The following ZNF83 variants were observed in gnomAD, a reference collection of about 807,000 sequenced individuals.
ZNF83 encodes zinc finger protein 83, also known as zinc finger protein 816B.
For missense variants in ZNF83, 552 were observed against 629.9 expected, an observed-to-expected ratio of 0.88 and a Z score of 1.32; for synonymous variants, 209 against 213.0, an observed-to-expected ratio of 0.98 and a Z score of 0.17.
intron 2 of ZNF83, among the ~76,000 whole-genome samples, chr19:52,634,804 A>G (rs1460501285): frequency 2.0e-5 from 3 of 151,874 alleles, no homozygotes; most frequent in South Asian, 2.1e-4. Flanking sequence ...ACACCACGGG[A>G]CCCTCACCCC....
intron 1 of ZNF83, among the ~76,000 whole-genome samples, chr19:52,671,828 T>A (rs1475900063): frequency 1.3e-5 from 2 of 152,204 alleles, no homozygotes; most frequent in Non-Finnish European, 2.9e-5. Context: ...AAATATGCAG[T>A]CTTTAAATGT....
At chr19:52,627,495 C>G (rs1256134150) in intron 2 of ZNF83, among the ~76,000 whole-genome samples, 1 of 152,124 alleles carries the variant, frequency 6.6e-6, no homozygotes, top group Non-Finnish European at 1.5e-5. Flanking sequence ...AACCCTCTCT[C>G]TACTAAAAAT....
exon 3 of ZNF83, chr19:52,614,229 T>G (rs1263370013): frequency 1.9e-6 from 3 of 1,614,040 alleles, no homozygotes; most frequent in Admixed American, 3.3e-5. Flanking sequence ...TATGGATTAT[T>G]TGATGTATAG....
rs1190276348 is a variant in ZNF83 at position 52,614,589 on chromosome 19, C to G, written c.-25G>C. ...TGTCTCTTCTACCAATGAGACTTTC[C>G]TTATAGGTCACACGCACTCGCTTAT... On this transcript the variant is annotated 5_prime_UTR_variant, in exon 3 of 3. Transcript: ENST00000301096. 3 of 1,554,168 alleles carry G rather than the reference C, an allele frequency of 1.9e-6. No homozygotes were observed. The South Asian group carries it at 3.7e-5, about 19-fold the overall frequency.
chr19:52,614,881 T>A, intron 2 of ZNF83, 84 bp from the exon 3 acceptor site: 1 of 1,133,188 alleles, frequency 8.8e-7, no homozygotes, highest in Non-Finnish European at 1.1e-6. Flanking sequence ...AATAGTACAC[T>A]AAGAGTAATA....
At chr19:52,685,012 GC>G (rs2061990841) in intron 1 of ZNF83, among the ~76,000 whole-genome samples, 1 of 152,194 alleles carries the variant, frequency 6.6e-6, no homozygotes, top group Admixed American at 6.5e-5. Context: ...ACAGAGAAAG[GC>G]CCCGAAGATG....
intron 3 of ZNF83, among the ~76,000 whole-genome samples, chr19:52,645,119 T>A (rs1477438077): frequency 6.6e-6 from 1 of 151,636 alleles, no homozygotes; most frequent in Middle Eastern, 3.2e-3. Context: ...GAGGGAAACA[T>A]GCACTTAATA....
At chr19:52,614,235 T>A (rs137930387) in exon 3 of ZNF83, 1 of 1,614,038 alleles carries the variant, frequency 6.2e-7, no homozygotes, top group Non-Finnish European at 8.5e-7. Context: ...TTATTTGATG[T>A]ATAGTAAAAT....
intron 3 of ZNF83, chr19:52,653,324 C>A: frequency 7.7e-7 from 1 of 1,304,682 alleles, no homozygotes; most frequent in Non-Finnish European, 1.1e-6. Context: ...TAAGGTTTCT[C>A]TCCAGTATGA....
chr19:52,673,479 C>T (rs2061754769), intron 1 of ZNF83, among the ~76,000 whole-genome samples: 1 of 151,292 alleles, frequency 6.6e-6, no homozygotes, highest in South Asian at 2.1e-4. Flanking sequence ...CTCCAGGGTA[C>T]ACAAGAAGAG....
chr19:52,657,549 A>T (rs930444511), intron 2 of ZNF83, among the ~76,000 whole-genome samples: 3 of 152,068 alleles, frequency 2.0e-5, no homozygotes, highest in African/African-American at 4.8e-5. Context: ...ATAATTTTTT[A>T]AAAAAGGCCA....
chr19:52,621,121 G>C (rs1367216463), intron 2 of ZNF83, among the ~76,000 whole-genome samples: 5 of 152,188 alleles, frequency 3.3e-5, no homozygotes, highest in African/African-American at 1.2e-4. Context: ...CATTTGGTGA[G>C]ATGTGGGACA....
At chr19:52,676,728 G>GT (rs2061817305) in intron 1 of ZNF83, among the ~76,000 whole-genome samples, 1 of 139,524 alleles carries the variant, frequency 7.2e-6, no homozygotes, top group Non-Finnish European at 1.6e-5. Context: ...GATGGTTGCC[G>GT]TGTCTGTGTA....
chr19:52,614,156 C>T, exon 3 of ZNF83: 1 of 1,614,038 alleles, frequency 6.2e-7, no homozygotes. Context: ...TGATGACTTG[C>T]AAGGTTTGAT....
chr19:52,613,354 T>G (rs750164922), exon 3 of ZNF83: 2 of 1,613,896 alleles, frequency 1.2e-6, no homozygotes, highest in South Asian at 2.2e-5. Flanking sequence ...GCCACATTCA[T>G]CACATTTGTA....
intron 1 of ZNF83, among the ~76,000 whole-genome samples, chr19:52,684,909 G>C (rs1477090482): frequency 1.3e-5 from 2 of 152,192 alleles, no homozygotes; most frequent in African/African-American, 4.8e-5. Flanking sequence ...GTGAGGAGTT[G>C]GGCTTTTGTC....
exon 1 of ZNF83, chr19:52,690,485 T>C (rs894346697): frequency 1.9e-4 from 35 of 185,854 alleles, no homozygotes; most frequent in Admixed American, 3.9e-4. Flanking sequence ...GCTTCCAGAT[T>C]TGCGAGAATC....
At chr19:52,649,681 G>T (rs2061418549) in intron 3 of ZNF83, among the ~76,000 whole-genome samples, 1 of 152,066 alleles carries the variant, frequency 6.6e-6, no homozygotes, top group Admixed American at 6.6e-5. Context: ...GAGAACAAAT[G>T]AGAAAATATG....
intron 2 of ZNF83, among the ~76,000 whole-genome samples, chr19:52,631,617 CTTCAA>C (rs1915954672): frequency 6.6e-6 from 1 of 152,246 alleles, no homozygotes; most frequent in Non-Finnish European, 1.5e-5. Context: ...CTGGCCCGGA[CTTCAA>C]TCCGGCCTCC....
Sources: allele counts gnomAD v4.1 joint callset (sites outside exome capture counted in the v4.1 genomes callset), GRCh38; gene constraint gnomAD v4.1.1; transcripts MANE v1.5; gene names NCBI Gene and HGNC (gene_info 2026-07-23, HGNC 2026-07-21).